The following SEMA4B variants were observed in gnomAD, a reference collection of about 807,000 sequenced individuals.
SEMA4B encodes the protein semaphorin 4B.
Under a neutral mutation model 88.1 loss-of-function variants are expected in SEMA4B, and 55 were observed. The ratio of observed to expected loss-of-function variants is 0.62; its 90% CI spans 0.50 to 0.78. SEMA4B has a LOEUF of 0.78. SEMA4B is among the 30% of genes least tolerant of loss of function. The pLI is 0.00. For missense variants in SEMA4B, 1,062 were observed against 1,111.9 expected (o/e 0.96, Z 0.64); for synonymous variants, 525 against 473.6 (o/e 1.11, Z -1.41).
Position 90,221,555 on chromosome 15 carries a change from G to C in SEMA4B, c.710-59G>C, listed in dbSNP as rs1397477704. On this transcript the variant is annotated intron_variant, in intron 6 of 13. Coordinates refer to ENST00000411539, the MANE Select transcript of SEMA4B (RefSeq NM_198925.4). ...CCCTAGAAGGGGGCACTTTCCCCCA[G>C]CTTGGCCTGTCTCCAGGGTTCCTGG... 6 of 1,608,964 alleles carry C rather than the reference G, an allele frequency of 3.7e-6. No individual in the cohort carries two copies. In the Admixed American group the frequency reaches 8.4e-5, roughly 22 times the overall value.
rs776885861 is a variant in SEMA4B, at chr15:90,195,924, C to CTT, written c.-121-5522_-121-5521dup. ...TGGGCCCAGCCTGTTTTGTACTTCT[C>CTT]TTTTTTTTTTTTTCGAGACGGAGTC... On this transcript the variant is annotated intron_variant, in intron 1 of 14. Coordinates refer to the SEMA4B transcript ENST00000332496. Among the ~76,000 whole-genome samples, 235 of 76,682 alleles carry CTT rather than the reference C, an allele frequency of 3.1e-3. 3 individuals carry two copies. Among genetic ancestry groups the CTT allele is most frequent in the African/African-American group, 9.4e-3 (217 of 23,030 alleles). The allele number at this position is 76,682 out of a possible 152,430, so 50.3% of individuals were successfully genotyped here. A position where few individuals can be genotyped will look rare whatever the true frequency, so the allele number is the denominator to read the frequency against.
intron 3 of SEMA4B, 68 bp downstream of exon 3, chr15:90,217,897 C>G: frequency 1.4e-6 from 2 of 1,393,092 alleles, no homozygotes; most frequent in Non-Finnish European, 2.0e-6. Flanking sequence ...CCATCCAGGC[C>G]AGAGGCGGGA....
Position 90,224,069 on chromosome 15 carries a change from G to A in SEMA4B, c.1194+81G>A, listed in dbSNP as rs1420079429. 1.2e-5 allele frequency: 16 copies of A among 1,379,034 alleles called. No individual in the cohort carries two copies. In the East Asian group the frequency reaches 3.6e-4, roughly 31 times the overall value. 85.4% of individuals were successfully genotyped at this position (1,379,034 alleles called of 1,614,324 possible). ...ACCATGCTGGGAGCAAGGCTGCCTA[G>A]CCTCGGGCAGATCACTTGGCTTCTC... On this transcript the variant is annotated intron_variant, in intron 9 of 13. Transcript: ENST00000411539.
intron 7 of SEMA4B, among the ~76,000 whole-genome samples, chr15:90,222,831 G>A (rs1355991595): frequency 6.6e-6 from 1 of 150,560 alleles, no homozygotes; most frequent in Non-Finnish European, 1.5e-5. Flanking sequence ...GGTGGGCAGT[G>A]ACTAAATGTG....
chr15:90,222,268 T>G (rs991173140), intron 7 of SEMA4B, among the ~76,000 whole-genome samples: 1 of 145,600 alleles, frequency 6.9e-6, no homozygotes, highest in African/African-American at 2.5e-5. Context: ...TTTTTTTTTT[T>G]ACTTAAAAAA....
chr15:90,194,323 A>G (rs912409377), intron 1 of SEMA4B, among the ~76,000 whole-genome samples: 6 of 151,838 alleles, frequency 4.0e-5, no homozygotes, highest in African/African-American at 7.3e-5. Flanking sequence ...CCTGAGGTCA[A>G]AAGTTCGAGA....
At chr15:90,214,830 T>C in intron 1 of SEMA4B, 1 of 355,286 alleles carries the variant, frequency 2.8e-6, no homozygotes, top group Non-Finnish European at 5.3e-6. Flanking sequence ...ACTTCCTTGC[T>C]GATGGAGATG....
intron 1 of SEMA4B, among the ~76,000 whole-genome samples, chr15:90,188,663 G>T (rs1348159191): frequency 6.6e-6 from 1 of 151,910 alleles, no homozygotes; most frequent in Non-Finnish European, 1.5e-5. Flanking sequence ...ATGTAGATCA[G>T]GATACGTATT....
At chr15:90,185,308 C>T (rs369605468) in intron 1 of SEMA4B, among the ~76,000 whole-genome samples, 1 of 152,254 alleles carries the variant, frequency 6.6e-6, no homozygotes, top group East Asian at 1.9e-4. Context: ...CCCATGGCCA[C>T]CGGGGGCCTT....
upstream of SEMA4B, among the ~76,000 whole-genome samples, chr15:90,196,809 T>C (rs1960524432): frequency 1.3e-5 from 2 of 152,190 alleles, no homozygotes; most frequent in Non-Finnish European, 2.9e-5. Context: ...TTAACCAGCA[T>C]TTTTTGGTAA....
At chr15:90,193,148 T>A (rs909168070) in intron 1 of SEMA4B, 2 of 152,300 alleles carry the variant, frequency 1.3e-5, no homozygotes, top group African/African-American at 2.4e-5. Flanking sequence ...GAGCTCTTTA[T>A]AAACACTGGC....
chr15:90,220,045 C>G (rs747073956), intron 4 of SEMA4B, 154 bp downstream of exon 4: 12 of 582,100 alleles, frequency 2.1e-5, no homozygotes, highest in Non-Finnish European at 3.6e-5. Flanking sequence ...TGAGGTCCCA[C>G]ACCCTGGCAC....
chr15:90,200,999 T>C (rs1370668820), upstream of SEMA4B, among the ~76,000 whole-genome samples: 1 of 152,050 alleles, frequency 6.6e-6, no homozygotes, highest in Non-Finnish European at 1.5e-5. Flanking sequence ...CTAATCACCA[T>C]CCGCCCCCTA....
At chr15:90,217,722 A>T (rs748424867) in intron 2 of SEMA4B, 45 bp from the exon 3 acceptor site, 12 of 1,601,278 alleles carry the variant, frequency 7.5e-6, no homozygotes, top group Non-Finnish European at 9.4e-6. Context: ...GAGGCTCAGC[A>T]AACCCTCCAT....
intron 7 of SEMA4B, 133 bp downstream of exon 7, chr15:90,221,898 T>A: frequency 1.4e-6 from 1 of 724,666 alleles, no homozygotes. Flanking sequence ...CTTTTCTCTC[T>A]CACCTTTTAA....
rs200485188 is a variant in SEMA4B at position 90,225,312 on chromosome 15, T to A, written c.1436T>A (p.Val479Glu). The A allele has an allele frequency of 5.9e-4, 920 of 1,559,180 alleles. 7 individuals carry two copies. Among genetic ancestry groups the A allele is most frequent in the African/African-American group, 1.9e-3 (143 of 73,612 alleles). ...GGCCGGCTCCACAAGGCAGTGAGCG[T>A]GGGCCCCCGGGTGCACATCATTGAG... is the stretch of plus-strand genomic sequence containing the variant. ...GDGRLHKAVS[V>E]GPRVHIIEEL... is the part of the protein sequence containing the mutation. Residue 479 changes from valine to glutamate, a missense_variant, in exon 11 of 14, where the codon GTG becomes GAG. Physicochemically the swap from Val to Glu is moderately radical, Grantham distance 121. Coordinates refer to ENST00000411539, the MANE Select transcript of SEMA4B (RefSeq NM_198925.4).
chr15:90,194,779 A>G (rs1336175746), intron 1 of SEMA4B, among the ~76,000 whole-genome samples: 1 of 152,216 alleles, frequency 6.6e-6, no homozygotes, highest in Non-Finnish European at 1.5e-5. Context: ...CTTCACCTAT[A>G]TTGACCAGTT....
At position 90,228,176 on chromosome 15, in the gene SEMA4B, A is replaced by G; in HGVS notation, c.2047A>G (p.Thr683Ala). 2.5e-6 allele frequency: 4 copies of G among 1,610,564 alleles called. No individual in the cohort carries two copies. In the East Asian group the frequency reaches 8.9e-5, roughly 36 times the overall value. ...EVVEDGVADQ[T>A]DEGGSVPVII... The stretch of plus-strand genomic sequence containing the variant: ...GGTGGAGGACGGGGTGGCAGACCAA[A>G]CAGATGAGGGTGGCAGTGTACCCGT... The change falls in exon 14 of 14, where the codon ACA becomes GCA. Residue 683 changes from threonine (T) to alanine (A), a missense_variant. Transcript: ENST00000411539.
chr15:90,207,498 A>T (rs1961052805), intron 1 of SEMA4B, among the ~76,000 whole-genome samples: 3 of 152,170 alleles, frequency 2.0e-5, no homozygotes, highest in Admixed American at 2.0e-4. Flanking sequence ...CTGCTGTTGG[A>T]TGTGGAAGTG....
Sources: gnomAD v4.1 joint callset for allele counts (sites outside exome capture counted in the v4.1 genomes callset) on GRCh38, gnomAD v4.1.1 for gene constraint, MANE v1.5 for transcripts, NCBI Gene and HGNC (gene_info 2026-07-23, HGNC 2026-07-21) for gene names.